ZFR2: variants seen among roughly 807,000 people sequenced by gnomAD.
ZFR2 encodes zinc finger RNA binding protein 2.
A neutral mutation model predicts 105.7 loss-of-function variants in ZFR2; 104 were observed. The ratio of observed to expected loss-of-function variants is 0.98; its 90% CI spans 0.84 to 1.16. The LOEUF (loss-of-function observed/expected upper bound fraction) is 1.16, where lower values mean the gene tolerates loss of function less well. Ranked by LOEUF, ZFR2 falls within the 50% of genes most tolerant of loss-of-function variation. The pLI, the probability that ZFR2 is intolerant of heterozygous loss-of-function variation, is 0.00. For synonymous variants in ZFR2, 634 were observed against 597.7 expected (o/e 1.06, Z -0.89); for missense variants, 1,425 against 1,355.5 (o/e 1.05, Z -0.80).
chr19:3,817,955 C>A (rs757145066), intron 12 of ZFR2, among the ~76,000 whole-genome samples: 7 of 152,156 alleles, frequency 4.6e-5, no homozygotes, highest in Non-Finnish European at 1.0e-4. Flanking sequence ...TATGAACTGT[C>A]CAGCACAGGC....
At chr19:3,807,893 G>A (rs1046014728) in intron 17 of ZFR2, among the ~76,000 whole-genome samples, 3 of 148,066 alleles carry the variant, frequency 2.0e-5, no homozygotes, top group Non-Finnish European at 4.5e-5. Context: ...ATGTGTGCCC[G>A]TGTGCACTCA....
chr19:3,835,682 T>C (rs1023588271), intron 1 of ZFR2, among the ~76,000 whole-genome samples: 4 of 151,308 alleles, frequency 2.6e-5, no homozygotes, highest in African/African-American at 7.3e-5. Flanking sequence ...TGGTAGCTCA[T>C]GCCTGTAATC....
At chr19:3,845,314 T>C (rs1279959400) in intron 1 of ZFR2, among the ~76,000 whole-genome samples, 1 of 152,046 alleles carries the variant, frequency 6.6e-6, no homozygotes, top group Non-Finnish European at 1.5e-5. Flanking sequence ...ACAAAATTTT[T>C]TTTTTATTAC....
chr19:3,808,251 ATGTGCGTG>A (rs953197980), intron 17 of ZFR2, among the ~76,000 whole-genome samples: 4 of 151,884 alleles, frequency 2.6e-5, no homozygotes, highest in African/African-American at 7.3e-5. Flanking sequence ...GTGTGCAAGT[ATGTGCGTG>A]TGTGCGTGTG....
chr19:3,849,236 C>A (rs2038212410), intron 1 of ZFR2, among the ~76,000 whole-genome samples: 1 of 152,186 alleles, frequency 6.6e-6, no homozygotes, highest in South Asian at 2.1e-4. Context: ...CAGCCCAGGA[C>A]CCCAAGGAAG....
At chr19:3,812,437 C>CG (rs2037775467) in intron 14 of ZFR2, among the ~76,000 whole-genome samples, 1 of 152,006 alleles carries the variant, frequency 6.6e-6, no homozygotes, top group Non-Finnish European at 1.5e-5. Flanking sequence ...GGAGAGGAAG[C>CG]GGGGGCAGGA....
chr19:3,819,852 C>CAAAAAAAAAAAAAA (rs1555754315), intron 11 of ZFR2, among the ~76,000 whole-genome samples: 50 of 138,654 alleles, frequency 3.6e-4, no homozygotes, highest in African/African-American at 1.2e-3. Flanking sequence ...GACTCTGTCT[C>CAAAAAAAAAAAAAA]AAAAAAAAAT....
At position 3,819,196 on chromosome 19, in the gene ZFR2, T is replaced by C; in HGVS notation, c.1780A>G (p.Met594Val). 2 of 1,582,544 alleles carry C rather than the reference T, an allele frequency of 1.3e-6. No individual in the cohort carries two copies. The highest frequency in any genetic ancestry group is 1.7e-6 in the Non-Finnish European group (2 of 1,170,170). Residue 594 changes from methionine to valine, a missense_variant, in exon 12 of 19, where the codon ATG (methionine) becomes GTG (valine). Met to Val is a conservative substitution (Grantham distance 21). Coordinates refer to ENST00000262961, the MANE Select transcript of ZFR2 (RefSeq NM_015174.2). Reference sequence around the variant, plus strand: ...GGGTAGATGGTGGCGTGCTTGCACATGACGTGCCGGTCGTCGCTGGACGCC... The same window carrying C: ...GGGTAGATGGTGGCGTGCTTGCACACGACGTGCCGGTCGTCGCTGGACGCC... ...RPASSDDRHV[M>V]CKHATIYPTE...
chr19:3,820,346 G>C, intron 10 of ZFR2, 56 bp from the exon 11 acceptor site: 2 of 1,477,606 alleles, frequency 1.4e-6, no homozygotes, highest in South Asian at 2.5e-5. Context: ...CCTAAGCTGG[G>C]GGCAAGTCAG....
Position 3,834,062 on chromosome 19 carries a change from C to A in ZFR2, c.265-284G>T, listed in dbSNP as rs1345237721. ...GGACGCTTGGTGCGGCAGGAGAGGG[C>A]GGGTTTGCAGGGAGAAGCCCCCGAG... On this transcript the variant is annotated intron_variant, in intron 2 of 18. Coordinates refer to ENST00000262961, the MANE Select transcript of ZFR2 (RefSeq NM_015174.2). The surrounding 1 kb of genome is among the most constrained non-coding windows in gnomAD (Gnocchi z 5.3). Among the ~76,000 whole-genome samples, 4 of 151,904 alleles carry A rather than the reference C, an allele frequency of 2.6e-5. No homozygotes were observed. The highest frequency in any genetic ancestry group is 9.7e-5 in the African/African-American group (4 of 41,338).
rs1360871830 is a variant in ZFR2, at chr19:3,838,915, G to A, written c.54-3932C>T. On this transcript the variant is annotated intron_variant, in intron 1 of 18. Coordinates refer to ENST00000262961, the MANE Select transcript of ZFR2 (RefSeq NM_015174.2). The surrounding 1 kb of genome is among the most constrained non-coding windows in gnomAD (Gnocchi z 4.9). ...GGCCGCGGCACGTGGCATGCAGCAGGGGCTCCATGCACATCTAGGGAGGTC... is the reference window on the plus strand; with the variant it reads ...GGCCGCGGCACGTGGCATGCAGCAGAGGCTCCATGCACATCTAGGGAGGTC... Among the ~76,000 whole-genome samples the A allele has an allele frequency of 6.6e-6, 1 of 152,178 alleles. No individual in the cohort carries two copies. The highest frequency in any genetic ancestry group is 1.5e-5 in the Non-Finnish European group (1 of 68,042).
intron 1 of ZFR2, among the ~76,000 whole-genome samples, chr19:3,846,120 G>A (rs1349830344): frequency 2.0e-5 from 3 of 152,210 alleles, no homozygotes; most frequent in African/African-American, 7.2e-5. Context: ...GGGACTAAAG[G>A]CGTGTGCCAC....
intron 11 of ZFR2, 142 bp downstream of exon 11, chr19:3,820,040 G>A (rs988051505): frequency 1.1e-4 from 88 of 774,870 alleles, no homozygotes; most frequent in South Asian, 4.2e-4. Flanking sequence ...CATCTGTGGA[G>A]TGAGGAGGCC....
At chr19:3,844,020 G>T (rs9749139) in intron 1 of ZFR2, among the ~76,000 whole-genome samples, 3 of 119,368 alleles carry the variant, frequency 2.5e-5, no homozygotes, top group African/African-American at 9.5e-5. Context: ...ATGTGGGGGG[G>T]GGGGTGCCAG....
At chr19:3,847,616 G>A (rs933243070) in intron 1 of ZFR2, among the ~76,000 whole-genome samples, 3 of 152,150 alleles carry the variant, frequency 2.0e-5, no homozygotes, top group African/African-American at 7.2e-5. Flanking sequence ...AATTAGAAGC[G>A]AATCACCGAA....
At chr19:3,824,243 T>G (rs1048543658) in intron 7 of ZFR2, among the ~76,000 whole-genome samples, 2 of 152,144 alleles carry the variant, frequency 1.3e-5, no homozygotes, top group African/African-American at 2.4e-5. Flanking sequence ...GAGGCTGCAG[T>G]GAGCTATGAT....
chr19:3,807,040 C>A (rs934876976), intron 18 of ZFR2, 132 bp downstream of exon 18: 16 of 690,888 alleles, frequency 2.3e-5, no homozygotes, highest in Non-Finnish European at 3.8e-5. Flanking sequence ...ACCCACGGGC[C>A]GCCCTCCTGT....
intron 14 of ZFR2, among the ~76,000 whole-genome samples, chr19:3,812,815 A>G (rs1406663662): frequency 6.6e-6 from 1 of 152,224 alleles, no homozygotes; most frequent in Non-Finnish European, 1.5e-5. Flanking sequence ...ATGGTGGCTC[A>G]TGCCTGTAAT....
chr19:3,833,613 G>A, intron 3 of ZFR2, 51 bp downstream of exon 3: 1 of 1,385,910 alleles, frequency 7.2e-7, no homozygotes, highest in Non-Finnish European at 9.9e-7. Context: ...GTTTCCCTGT[G>A]CTGCGGGGAG....
Sources: gnomAD v4.1 joint callset for allele counts (sites outside exome capture counted in the v4.1 genomes callset) on GRCh38, gnomAD v4.1.1 for gene constraint, Gnocchi (gnomAD v3.1) non-coding constraint, MANE v1.5 for transcripts, NCBI Gene and HGNC (gene_info 2026-07-23, HGNC 2026-07-21) for gene names.